RIT2: variants seen among roughly 807,000 people sequenced by gnomAD.
The protein encoded by RIT2 is Ras like without CAAX 2.
In RIT2, 24 loss-of-function variants were observed where a neutral mutation model predicts 23.7. The observed-to-expected ratio is 1.01, with a 90% CI of 0.73 to 1.43. RIT2 has a LOEUF of 1.43. RIT2 is among the 40% of genes most tolerant of loss of function. The pLI, the probability that RIT2 is intolerant of heterozygous loss-of-function variation, is 0.00. For synonymous variants in RIT2, 107 were observed against 91.1 expected (o/e 1.17, Z -0.99); for missense variants, 236 against 266.9 (o/e 0.88, Z 0.81).
intron 4 of RIT2, among the ~76,000 whole-genome samples, chr18:42,818,060 A>G (rs1906047164): frequency 6.6e-6 from 1 of 152,042 alleles, no homozygotes; most frequent in African/African-American, 2.4e-5. Context: ...ATTTTATAAG[A>G]TGAATTTTTA....
intron 1 of RIT2, among the ~76,000 whole-genome samples, chr18:43,099,893 A>G (rs1302163619): frequency 6.6e-6 from 1 of 152,078 alleles, no homozygotes; most frequent in African/African-American, 2.4e-5. Flanking sequence ...TCTCATCTCT[A>G]CTGCTGCAGC....
chr18:42,762,751 C>T (rs1300337500), intron 4 of RIT2, among the ~76,000 whole-genome samples: 1 of 152,156 alleles, frequency 6.6e-6, no homozygotes, highest in Non-Finnish European at 1.5e-5. Flanking sequence ...ATGCATTTTC[C>T]CTAGCTTGCA....
chr18:43,097,950 T>A (rs1913593859), intron 1 of RIT2, among the ~76,000 whole-genome samples: 1 of 151,912 alleles, frequency 6.6e-6, no homozygotes, highest in Non-Finnish European at 1.5e-5. Context: ...GATTAATCAA[T>A]AAAGGTGGAA....
intron 3 of RIT2, chr18:42,949,016 T>A: frequency 2.5e-6 from 1 of 397,800 alleles, no homozygotes; most frequent in Middle Eastern, 6.3e-4. Flanking sequence ...CCCACAGCTC[T>A]ACTTCCCATC....
chr18:43,076,163 G>A (rs116425451), intron 1 of RIT2, among the ~76,000 whole-genome samples: 2 of 152,128 alleles, frequency 1.3e-5, no homozygotes, highest in African/African-American at 4.8e-5. Context: ...CAGATTGTGA[G>A]AATATATTAT....
intron 4 of RIT2, among the ~76,000 whole-genome samples, chr18:42,899,432 C>T (rs1316620494): frequency 2.0e-5 from 3 of 151,686 alleles, no homozygotes; most frequent in African/African-American, 7.3e-5. Flanking sequence ...TCTACAGTGT[C>T]CCATATGTCA....
intron 2 of RIT2, 76 bp from the exon 3 acceptor site, chr18:42,974,223 G>T (rs1303313029): frequency 1.5e-5 from 14 of 916,076 alleles, no homozygotes; most frequent in Non-Finnish European, 1.7e-5. Context: ...TCATATAGAA[G>T]AATTTCTAAG....
chr18:42,809,131 T>C (rs899937662), intron 4 of RIT2, among the ~76,000 whole-genome samples: 3 of 152,104 alleles, frequency 2.0e-5, no homozygotes, highest in African/African-American at 7.2e-5. Context: ...AATATGAAAT[T>C]CGAGAAATTA....
chr18:42,795,139 C>A (rs569694937), intron 4 of RIT2, among the ~76,000 whole-genome samples: 143 of 152,356 alleles, frequency 9.4e-4, no homozygotes, highest in Non-Finnish European at 1.9e-3. Context: ...TGGGCTCCCA[C>A]TTTGGCGGCA....
At chr18:43,075,821 CT>C in intron 1 of RIT2, among the ~76,000 whole-genome samples, 1 of 152,178 alleles carries the variant, frequency 6.6e-6, no homozygotes, top group Non-Finnish European at 1.5e-5. Context: ...ATGCCCTTGC[CT>C]TTTTCAAGCT....
In RIT2 at chr18:42,923,667, CA is replaced by C; in HGVS notation, c.330del (p.Ala111ProfsTer39). On this transcript the variant is annotated frameshift_variant, in exon 4 of 5. Coordinates refer to ENST00000326695, the MANE Select transcript of RIT2 (RefSeq NM_002930.4). LOFTEE classifies it high-confidence loss of function. ...SVTDRQSFQE[A>X]AKFKELIFQV... Reference sequence around the variant, plus strand: ...TGAAAAATGAGCTCTTTAAACTTGGCAGCCTCCTGAAATGATTGACGGTCAG... The same window carrying C: ...TGAAAAATGAGCTCTTTAAACTTGGCGCCTCCTGAAATGATTGACGGTCAG... 6.2e-7 allele frequency: 1 copy of C among 1,613,272 alleles called. No individual in the cohort carries two copies. The highest frequency in any genetic ancestry group is 8.5e-7 in the Non-Finnish European group (1 of 1,179,610).
intron 4 of RIT2, among the ~76,000 whole-genome samples, chr18:42,909,390 C>T (rs1908708885): frequency 6.6e-6 from 1 of 152,018 alleles, no homozygotes; most frequent in Non-Finnish European, 1.5e-5. Context: ...GGCTCAGGTT[C>T]ATTAAAATCT....
chr18:42,762,637 A>C (rs1338891256), intron 4 of RIT2, among the ~76,000 whole-genome samples: 1 of 152,138 alleles, frequency 6.6e-6, no homozygotes, highest in Non-Finnish European at 1.5e-5. Context: ...TTCACTCTCA[A>C]TTTTTAAAAA....
chr18:43,019,404 T>C (rs1911546160), intron 2 of RIT2, among the ~76,000 whole-genome samples: 1 of 151,932 alleles, frequency 6.6e-6, no homozygotes, highest in Non-Finnish European at 1.5e-5. Flanking sequence ...ATAAACATGA[T>C]ACATCACATT....
chr18:42,767,620 CATG>C (rs1181607125), intron 4 of RIT2, among the ~76,000 whole-genome samples: 1 of 152,184 alleles, frequency 6.6e-6, no homozygotes, highest in African/African-American at 2.4e-5. Context: ...GTTGGGAAGG[CATG>C]ATTGGTCTTG....
intron 1 of RIT2, among the ~76,000 whole-genome samples, chr18:43,040,831 A>G (rs894837709): frequency 2.0e-5 from 3 of 152,178 alleles, no homozygotes; most frequent in Admixed American, 2.0e-4. Context: ...CCAAAAAAAA[A>G]TCATTTTCTG....
intron 2 of RIT2, among the ~76,000 whole-genome samples, chr18:43,012,690 T>C (rs1420615510): frequency 1.3e-5 from 2 of 151,050 alleles, no homozygotes; most frequent in African/African-American, 4.8e-5. Flanking sequence ...TATAGTTCCA[T>C]AGTATGATTA....
chr18:42,867,630 TAAA>T lies in RIT2; in HGVS notation c.426+55939_426+55941del, dbSNP rs113291312. ...ACGAGGCCCTATTTCTGCCAAAAATTAAAAAAAAAAAAAAATAGCCGAGTGTGG... is the reference window on the plus strand; with the variant it reads ...ACGAGGCCCTATTTCTGCCAAAAATTAAAAAAAAAAAATAGCCGAGTGTGG... On this transcript the variant is annotated intron_variant, in intron 4 of 4. Coordinates refer to ENST00000326695, the MANE Select transcript of RIT2 (RefSeq NM_002930.4). Among the ~76,000 whole-genome samples, 97 of 143,036 alleles carry T rather than the reference TAAA, an allele frequency of 6.8e-4. 1 individual carries two copies. Among genetic ancestry groups the T allele is most frequent in the Non-Finnish European group, 9.3e-4 (61 of 65,336 alleles). The allele number at this position is 143,036 out of a possible 152,430, so 93.8% of individuals were successfully genotyped here.
intron 4 of RIT2, among the ~76,000 whole-genome samples, chr18:42,884,259 A>G (rs1010475529): frequency 1.8e-4 from 28 of 152,150 alleles, no homozygotes; most frequent in African/African-American, 6.3e-4. Flanking sequence ...CTGGATTCTC[A>G]GTTGATTTCT....
Sources: gnomAD v4.1 joint callset for allele counts (sites outside exome capture counted in the v4.1 genomes callset) on GRCh38, gnomAD v4.1.1 for gene constraint, MANE v1.5 for transcripts, NCBI Gene and HGNC (gene_info 2026-07-23, HGNC 2026-07-21) for gene names.